The following NCAM2 variants were observed in gnomAD, a reference collection of about 807,000 sequenced individuals.
NCAM2 encodes the protein N-CAM-2.
NCAM2 carries 30 observed loss-of-function variants against 98.1 expected under a neutral mutation model. That is an observed-to-expected ratio of 0.31 (90% CI 0.23 to 0.41). The LOEUF is 0.41. Ranked by LOEUF, NCAM2 falls within the 10% of genes least tolerant of loss-of-function variation. The pLI is 1.00. For synonymous variants in NCAM2, 368 were observed against 342.4 expected (o/e 1.07, Z -0.83); for missense variants, 867 against 1,005.8 (o/e 0.86, Z 1.87).
chr21:21,530,219 TTTAATTATATATATTTAATTTAAA>T (rs1569141829), intron 16 of NCAM2, among the ~76,000 whole-genome samples: 25,256 of 111,392 alleles, frequency 0.23, 4,931 homozygotes, highest in African/African-American at 0.27. Context: ...TTTAATTTAA[TTTAATTATATATATTTAATTTAAA>T]TTAATTATAT....
At chr21:21,394,174 A>G (rs1569014414) in intron 9 of NCAM2, among the ~76,000 whole-genome samples, 1 of 152,226 alleles carries the variant, frequency 6.6e-6, no homozygotes, top group Non-Finnish European at 1.5e-5. Context: ...GGAAATAAGC[A>G]CACATCTAAT....
chr21:21,503,055 T>A (rs1987737942), intron 15 of NCAM2, among the ~76,000 whole-genome samples: 1 of 151,968 alleles, frequency 6.6e-6, no homozygotes, highest in Admixed American at 6.6e-5. Flanking sequence ...ACAAATATTT[T>A]AATATTGCAG....
At chr21:21,240,872 G>A (rs1020263073) in intron 1 of NCAM2, among the ~76,000 whole-genome samples, 2 of 152,060 alleles carry the variant, frequency 1.3e-5, no homozygotes, top group Non-Finnish European at 2.9e-5. Flanking sequence ...GGATTTTGAG[G>A]ATTAATTAAT....
intron 1 of NCAM2, among the ~76,000 whole-genome samples, chr21:21,260,457 G>A (rs1417846576): frequency 6.6e-6 from 1 of 151,664 alleles, no homozygotes; most frequent in Non-Finnish European, 1.5e-5. Flanking sequence ...CTAAGGAAAA[G>A]TTACAAATTA....
At chr21:21,024,881 C>T (rs892620885) in intron 1 of NCAM2, among the ~76,000 whole-genome samples, 3 of 148,490 alleles carry the variant, frequency 2.0e-5, no homozygotes, top group Admixed American at 6.7e-5. Flanking sequence ...AGGGTGACTC[C>T]GTCTCAAAGA....
At chr21:21,200,929 A>G (rs948224997) in intron 1 of NCAM2, among the ~76,000 whole-genome samples, 5 of 152,042 alleles carry the variant, frequency 3.3e-5, no homozygotes, top group African/African-American at 1.2e-4. Context: ...TAATATGTGT[A>G]TAGATCTTCT....
At chr21:21,169,301 C>T (rs915349445) in intron 1 of NCAM2, among the ~76,000 whole-genome samples, 1 of 151,760 alleles carries the variant, frequency 6.6e-6, no homozygotes, top group Admixed American at 6.6e-5. Flanking sequence ...ATGGATCGAT[C>T]GTAGCCCTAC....
chr21:21,509,865 T>C (rs981372251), intron 16 of NCAM2, among the ~76,000 whole-genome samples: 1 of 152,174 alleles, frequency 6.6e-6, no homozygotes, highest in African/African-American at 2.4e-5. Flanking sequence ...CGTTTGTGTG[T>C]TATGTGTGGG....
At chr21:21,116,652 A>G (rs1294911935) in intron 1 of NCAM2, among the ~76,000 whole-genome samples, 1 of 152,152 alleles carries the variant, frequency 6.6e-6, no homozygotes, top group East Asian at 1.9e-4. Flanking sequence ...CAGGAGATTG[A>G]GACCATTCTG....
chr21:21,002,593 T>C (rs1038934297), intron 1 of NCAM2, among the ~76,000 whole-genome samples: 1 of 152,120 alleles, frequency 6.6e-6, no homozygotes, highest in Non-Finnish European at 1.5e-5. Flanking sequence ...CCTCCTGCAT[T>C]CTCTGTCTTT....
intron 1 of NCAM2, among the ~76,000 whole-genome samples, chr21:21,045,183 T>C (rs1369750422): frequency 6.6e-6 from 1 of 152,112 alleles, no homozygotes; most frequent in African/African-American, 2.4e-5. Context: ...CTTTAAAAGA[T>C]TATCATAGTG....
rs1326024430 is a variant in NCAM2 at position 21,530,206 on chromosome 21, TAATTTA to T, written c.2283-4329_2283-4324del. On this transcript the variant is annotated intron_variant, in intron 16 of 17. Coordinates refer to ENST00000400546, the MANE Select transcript of NCAM2 (RefSeq NM_004540.5). ...TGATTTAATTTAATTTAATTATATA[TAATTTA>T]ATTTAATTTAATTATATATATTTAA... is the stretch of plus-strand genomic sequence containing the variant. Among the ~76,000 whole-genome samples the T allele has an allele frequency of 3.6e-5, 3 of 84,202 alleles. 1 individual carries two copies. The highest frequency in any genetic ancestry group is 7.9e-5 in the Non-Finnish European group (3 of 38,156). 55.2% of individuals were successfully genotyped at this position (84,202 alleles called of 152,430 possible).
intron 16 of NCAM2, among the ~76,000 whole-genome samples, chr21:21,520,291 GATAA>G (rs1988943649): frequency 6.6e-6 from 1 of 151,862 alleles, no homozygotes; most frequent in Non-Finnish European, 1.5e-5. Context: ...AAAATCAAAT[GATAA>G]ATAATTTTTA....
intron 16 of NCAM2, 37 bp downstream of exon 16, chr21:21,509,092 A>T (rs1988191207): frequency 6.2e-7 from 1 of 1,606,060 alleles, no homozygotes; most frequent in South Asian, 1.1e-5. Context: ...CATATTAAAC[A>T]AGCGCCACAG....
intron 15 of NCAM2, among the ~76,000 whole-genome samples, chr21:21,505,340 C>G (rs772816575): frequency 6.6e-6 from 1 of 152,046 alleles, no homozygotes; most frequent in African/African-American, 2.4e-5. Context: ...AGGAAGCTGT[C>G]TGCAAAGCCA....
At chr21:21,455,187 C>T in intron 12 of NCAM2, among the ~76,000 whole-genome samples, 1 of 136,224 alleles carries the variant, frequency 7.3e-6, no homozygotes, top group East Asian at 2.0e-4. Flanking sequence ...CACTCAGAGT[C>T]CTTTTAAAAG....
chr21:21,245,844 A>G (rs776768388), intron 1 of NCAM2, among the ~76,000 whole-genome samples: 4 of 6,662 alleles, frequency 6.0e-4, no homozygotes, highest in Non-Finnish European at 1.3e-3. Context: ...GGTTAGTGAG[A>G]GAGATAAGGA....
At chr21:21,236,060 A>G (rs1440377388) in intron 1 of NCAM2, among the ~76,000 whole-genome samples, 1 of 152,016 alleles carries the variant, frequency 6.6e-6, no homozygotes, top group Non-Finnish European at 1.5e-5. Flanking sequence ...CCAGGGACAT[A>G]AATACCCTGA....
chr21:21,537,236 C>A (rs903642178), intron 17 of NCAM2, among the ~76,000 whole-genome samples: 1 of 151,822 alleles, frequency 6.6e-6, no homozygotes, highest in Non-Finnish European at 1.5e-5. Flanking sequence ...TAGTAGATAC[C>A]TGGTTTCACC....
Sources: allele counts gnomAD v4.1 joint callset (sites outside exome capture counted in the v4.1 genomes callset), GRCh38; gene constraint gnomAD v4.1.1; transcripts MANE v1.5; gene names NCBI Gene and HGNC (gene_info 2026-07-23, HGNC 2026-07-21).